GSTA2: variants seen among roughly 807,000 people sequenced by gnomAD.
GSTA2 encodes glutathione S-transferase alpha 2, also known as glutathione S-transferase A2.
A neutral mutation model predicts 22.4 loss-of-function variants in GSTA2; 27 were observed. The ratio of observed to expected loss-of-function variants is 1.21; its 90% confidence interval spans 0.89 to 1.67. GSTA2 has a LOEUF of 1.67. GSTA2 is among the 40% of genes most tolerant of loss of function. The pLI, the probability that GSTA2 is intolerant of heterozygous loss-of-function variation, is 0.00. For missense variants in GSTA2, 302 were observed against 260.2 expected, an observed-to-expected ratio of 1.16 and a Z score of -1.11; for synonymous variants, 121 against 86.8, an observed-to-expected ratio of 1.39 and a Z score of -2.19.
At chr6:52,758,083 G>T (rs1044708694) in intron 1 of GSTA2, 106 bp from the exon 2 acceptor site, 11 of 675,254 alleles carry the variant, frequency 1.6e-5, no homozygotes, top group East Asian at 8.5e-5. Flanking sequence ...AGAAGAACCT[G>T]CCTTCTTCAT....
chr6:52,757,471 A>G (rs1762865100), intron 2 of GSTA2, among the ~76,000 whole-genome samples: 2 of 151,396 alleles, frequency 1.3e-5, no homozygotes. Flanking sequence ...CCTAAAACAC[A>G]TTAACTATTC....
Position 52,757,888 on chromosome 6 carries a change from C to G in GSTA2, c.60G>C (p.Arg20=), listed in dbSNP as rs1459834564. The part of the protein sequence containing the change: ...SNIRGRMESI[R]WLLAAAGVEF... ...CTACTCCAGCTGCAGCCAGGAGCCA[C>G]CGGATGGACTCCATTCTGCCCCGTA... Residue 20 remains arginine (R), a synonymous_variant, in exon 2 of 7, where the codon CGG becomes CGC. Coordinates refer to ENST00000493422, the MANE Select transcript of GSTA2 (RefSeq NM_000846.5). 6.2e-7 allele frequency: 1 copy of G among 1,613,706 alleles called. No homozygotes were observed. Among genetic ancestry groups the G allele is most frequent in the Non-Finnish European group, 8.5e-7 (1 of 1,179,686 alleles).
chr6:52,757,823 C>A, intron 2 of GSTA2, 38 bp downstream of exon 2: 1 of 1,544,584 alleles, frequency 6.5e-7, no homozygotes, highest in South Asian at 1.1e-5. Context: ...ATAACGCAAT[C>A]GTAAATCTGA....
intron 2 of GSTA2, 119 bp downstream of exon 2, chr6:52,757,742 A>C: frequency 1.2e-6 from 1 of 857,520 alleles, no homozygotes; most frequent in Non-Finnish European, 1.9e-6. Context: ...TCTTAATTAC[A>C]GTCCCTTTTT....
chr6:52,750,362 G>A lies in GSTA2; in HGVS notation c.*215C>T, dbSNP rs1441331679. The A allele has an allele frequency of 5.1e-6, 2 of 388,764 alleles. No individual in the cohort carries two copies. Among genetic ancestry groups the A allele is most frequent in the African/African-American group, 4.2e-5 (2 of 48,040 alleles). 24.1% of individuals were successfully genotyped at this position (388,764 alleles called of 1,614,324 possible). ...ATTCCAAGAAAATTGTTGGCTAGGA[G>A]GAGATTGGAAAACTGAATTCACATC... On this transcript the variant is annotated 3_prime_UTR_variant, in exon 7 of 7. Coordinates refer to ENST00000493422, the MANE Select transcript of GSTA2 (RefSeq NM_000846.5).
chr6:52,757,838 A>C (rs1211944328), intron 2 of GSTA2, 23 bp downstream of exon 2: 2 of 1,590,194 alleles, frequency 1.3e-6, no homozygotes, highest in Non-Finnish European at 1.7e-6. Context: ...ATCTGACTTA[A>C]GATGACCTAA....
At chr6:52,753,130 C>T (rs988855222) in intron 4 of GSTA2, 135 bp from the exon 5 acceptor site, 7 of 750,066 alleles carry the variant, frequency 9.3e-6, no homozygotes, top group Non-Finnish European at 1.5e-5. Context: ...ATAGTCTAGT[C>T]ATTATGCTCT....
At chr6:52,754,115 A>T (rs1050331461) in intron 4 of GSTA2, among the ~76,000 whole-genome samples, 1 of 152,120 alleles carries the variant, frequency 6.6e-6, no homozygotes, top group African/African-American at 2.4e-5. Context: ...TTTCTCCTCC[A>T]TTTATTGATT....
chr6:52,753,542 A>C (rs1762784424), intron 4 of GSTA2, among the ~76,000 whole-genome samples: 1 of 152,124 alleles, frequency 6.6e-6, no homozygotes, highest in Admixed American at 6.5e-5. Context: ...ACCCATGAAA[A>C]ACGTTTCCAC....
At chr6:52,758,048 G>C in intron 1 of GSTA2, 71 bp from the exon 2 acceptor site, 3 of 906,430 alleles carry the variant, frequency 3.3e-6, no homozygotes, top group East Asian at 2.5e-5. Flanking sequence ...TAGGATGTAT[G>C]GTTGAAAACC....
chr6:52,751,474 G>A, intron 6 of GSTA2, 103 bp downstream of exon 6: 1 of 1,596,376 alleles, frequency 6.3e-7, no homozygotes, highest in Non-Finnish European at 8.6e-7. Flanking sequence ...CCAAAGGCCT[G>A]GAGAAGGCTG....
At chr6:52,751,819 A>G (rs1561893340) in intron 5 of GSTA2, 111 bp from the exon 6 acceptor site, 1 of 1,477,384 alleles carries the variant, frequency 6.8e-7, no homozygotes, top group Non-Finnish European at 9.4e-7. Context: ...GCCTTACTGC[A>G]TGGATGCAGA....
At chr6:52,752,381 C>T (rs75583983) in intron 5 of GSTA2, among the ~76,000 whole-genome samples, 5,976 of 152,288 alleles carry the variant, frequency 0.039, 222 homozygotes, top group South Asian at 0.13. Context: ...CTGCATCCCA[C>T]AGTCACTCTC....
At chr6:52,754,892 C>T (rs1360488547) in intron 4 of GSTA2, 51 bp downstream of exon 4, 3 of 1,610,632 alleles carry the variant, frequency 1.9e-6, no homozygotes, top group East Asian at 2.2e-5. Flanking sequence ...AAGGAAGGAC[C>T]TAAATCACTC....
At chr6:52,753,845 C>T (rs1762791315) in intron 4 of GSTA2, among the ~76,000 whole-genome samples, 1 of 152,200 alleles carries the variant, frequency 6.6e-6, no homozygotes, top group Non-Finnish European at 1.5e-5. Flanking sequence ...TTGATAAGGA[C>T]ATCTGTACCA....
At chr6:52,755,315 A>G (rs1229089673) in intron 3 of GSTA2, among the ~76,000 whole-genome samples, 3 of 151,428 alleles carry the variant, frequency 2.0e-5, no homozygotes, top group African/African-American at 7.3e-5. Flanking sequence ...CCCAGGTTCA[A>G]GCGATTCTAC....
chr6:52,754,823 G>T, intron 4 of GSTA2, 120 bp downstream of exon 4: 2 of 1,309,710 alleles, frequency 1.5e-6, no homozygotes, highest in Non-Finnish European at 2.2e-6. Context: ...ACCTCAGCGT[G>T]CATGCCCAAG....
chr6:52,750,688 G>A lies in GSTA2; in HGVS notation c.558C>T (p.Thr186=), dbSNP rs1762720705. 3 of 1,612,520 alleles carry A rather than the reference G, an allele frequency of 1.9e-6. No homozygotes were observed. The highest frequency in any genetic ancestry group is 2.5e-6 in the Non-Finnish European group (3 of 1,179,770). The change falls in exon 7 of 7, where the codon ACC becomes ACT. Residue 186 remains threonine (T), a synonymous_variant. Transcript: ENST00000493422. ...TCACTGTGGGCAGGTTACTGATTCT[G>A]GTTTTCAGGGCCTGTAATCCACAAA... ...SSFPLLKALK[T]RISNLPTVKK...
chr6:52,757,833 A>G (rs745987342), intron 2 of GSTA2, 28 bp downstream of exon 2: 3 of 1,581,340 alleles, frequency 1.9e-6, no homozygotes, highest in Non-Finnish European at 2.6e-6. Flanking sequence ...CGTAAATCTG[A>G]CTTAAGATGA....
Sources: allele counts gnomAD v4.1 joint callset (sites outside exome capture counted in the v4.1 genomes callset), GRCh38; gene constraint gnomAD v4.1.1; transcripts MANE v1.5; gene names NCBI Gene and HGNC (gene_info 2026-07-23, HGNC 2026-07-21).